Variants in PREP observed in about 807,000 individuals in gnomAD.
PREP encodes prolyl endopeptidase.
Under a neutral mutation model 87.6 loss-of-function variants are expected in PREP, and 29 were observed. That is an observed-to-expected ratio of 0.33 (90% confidence interval 0.25 to 0.45). PREP has a LOEUF of 0.45. Among genes scored for constraint, PREP ranks in the 20% least tolerant of loss-of-function variants. PREP has a pLI of 1.00. For missense variants in PREP, 695 were observed against 886.5 expected, an observed-to-expected ratio of 0.78 and a Z score of 2.74; for synonymous variants, 337 against 328.6, an observed-to-expected ratio of 1.03 and a Z score of -0.28.
In PREP at chr6:105,378,290, C is replaced by G. The variant is rs1772744627; in HGVS notation, c.121-771G>C. Among the ~76,000 whole-genome samples, 3 of 152,182 alleles carry G rather than the reference C, an allele frequency of 2.0e-5. 1 individual carries two copies. In the South Asian group the frequency reaches 6.2e-4, roughly 32 times the overall value. Reference sequence around the variant, plus strand: ...CCTGGCCAGCATGGCGAAACCCTGTCTCTACTAAAAATACAAAAATTTGTC... The same window carrying G: ...CCTGGCCAGCATGGCGAAACCCTGTGTCTACTAAAAATACAAAAATTTGTC... On this transcript the variant is annotated intron_variant, in intron 2 of 14. Coordinates refer to ENST00000652536, the MANE Select transcript of PREP (RefSeq NM_002726.5).
intron 10 of PREP, chr6:105,322,309 T>C (rs758807141): frequency 2.6e-5 from 24 of 919,836 alleles, no homozygotes; most frequent in South Asian, 5.1e-5. Flanking sequence ...TTGAAAAAAA[T>C]AGATTATATT....
chr6:105,376,956 G>C (rs74750445), intron 3 of PREP, among the ~76,000 whole-genome samples: 163 of 152,344 alleles, frequency 1.1e-3, no homozygotes, highest in African/African-American at 3.7e-3. Context: ...ACATCTGTAA[G>C]TGGGTGTTAA....
chr6:105,365,173 G>A (rs113193859), intron 6 of PREP, among the ~76,000 whole-genome samples: 9 of 152,342 alleles, frequency 5.9e-5, no homozygotes, highest in African/African-American at 1.9e-4. Context: ...CTTGAACTTG[G>A]GAAGCGGAGG....
At chr6:105,303,252 C>A (rs1770582923) in intron 10 of PREP, among the ~76,000 whole-genome samples, 1 of 152,106 alleles carries the variant, frequency 6.6e-6, no homozygotes, top group Non-Finnish European at 1.5e-5. Context: ...TTTGTAGAGA[C>A]ATGGGTCTCA....
chr6:105,391,337 G>T (rs1034530400), intron 2 of PREP, among the ~76,000 whole-genome samples: 1 of 152,084 alleles, frequency 6.6e-6, no homozygotes, highest in Non-Finnish European at 1.5e-5. Context: ...AGCTGAGATC[G>T]TGCCACTGCA....
chr6:105,302,312 T>TA (rs2114627429), intron 10 of PREP: 1 of 169,056 alleles, frequency 5.9e-6, no homozygotes, highest in Non-Finnish European at 1.3e-5. Flanking sequence ...AACCACATGA[T>TA]GAGTCCATCA....
intron 10 of PREP, chr6:105,322,613 G>C (rs149834729): frequency 1.1e-5 from 11 of 987,804 alleles, no homozygotes; most frequent in East Asian, 2.2e-4. Flanking sequence ...CTGGGACATA[G>C]AGTTTCTGTT....
chr6:105,392,873 G>T (rs765345101), intron 2 of PREP, among the ~76,000 whole-genome samples: 1 of 152,170 alleles, frequency 6.6e-6, no homozygotes, highest in Admixed American at 6.5e-5. Context: ...CACCGCAGCC[G>T]GCCCCATGCT....
chr6:105,374,986 G>A (rs1772652129), intron 4 of PREP, among the ~76,000 whole-genome samples: 1 of 152,044 alleles, frequency 6.6e-6, no homozygotes, highest in South Asian at 2.1e-4. Flanking sequence ...ATAGATCCTT[G>A]TGGAAACTAA....
At chr6:105,393,274 T>G (rs1236905917) in intron 2 of PREP, among the ~76,000 whole-genome samples, 1 of 152,174 alleles carries the variant, frequency 6.6e-6, no homozygotes, top group African/African-American at 2.4e-5. Flanking sequence ...AGGTCTTGGA[T>G]TTAATCTAGT....
chr6:105,302,464 C>T, intron 10 of PREP: 1 of 293,298 alleles, frequency 3.4e-6, no homozygotes, highest in Non-Finnish European at 6.8e-6. Context: ...CAGGCGTTCA[C>T]TGTGTACTTC....
chr6:105,285,428 A>G, intron 12 of PREP, 58 bp downstream of exon 12: 2 of 1,527,378 alleles, frequency 1.3e-6, no homozygotes, highest in Non-Finnish European at 1.8e-6. Context: ...AGGAAGGATC[A>G]GCACAACCTT....
intron 2 of PREP, among the ~76,000 whole-genome samples, chr6:105,391,441 C>T (rs545657632): frequency 2.0e-5 from 3 of 152,256 alleles, no homozygotes; most frequent in East Asian, 3.9e-4. Flanking sequence ...CAGCTGGTCT[C>T]AAACTCCAGG....
In PREP at chr6:105,377,371, T is replaced by C. The variant is rs1374376021; in HGVS notation, c.254+15A>G. 6.3e-7 allele frequency: 1 copy of C among 1,583,558 alleles called. No homozygotes were observed. Among genetic ancestry groups the C allele is most frequent in the African/African-American group, 1.4e-5 (1 of 73,016 alleles). On this transcript the variant is annotated intron_variant, in intron 3 of 14. Transcript: ENST00000652536. ...CTTTGAAAATAAAAAGGAAATTCAG[T>C]AAAAGCAGTCTCACCGTTTTCCTTT...
rs1055916222 is a variant in PREP, at chr6:105,333,433, A to G, written c.896T>C (p.Val299Ala). 6.2e-7 allele frequency: 1 copy of G among 1,614,156 alleles called. No homozygotes were observed. The highest frequency in any genetic ancestry group is 1.3e-5 in the African/African-American group (1 of 75,034). Residue 299 changes from valine (V) to alanine (A), a missense_variant, in exon 8 of 15, where the codon GTG becomes GCG. Physicochemically the swap from Val to Ala is moderately conservative, Grantham distance 64. Around this residue, in one of 5 missense-constraint regions of PREP, gnomAD observed 517 missense variants for 620.3 expected, o/e 0.83. Coordinates refer to ENST00000652536, the MANE Select transcript of PREP (RefSeq NM_002726.5). ...EYDYVTNEGT[V>A]FTFKTNRQSP... ...CTGGCGATTCGTCTTGAATGTGAAC[A>G]CCGTCCCCTCATTGGTCACGTAGTC...
chr6:105,362,053 TAAG>T (rs1295353785), intron 6 of PREP, among the ~76,000 whole-genome samples: 1 of 152,232 alleles, frequency 6.6e-6, no homozygotes, highest in Non-Finnish European at 1.5e-5. Flanking sequence ...CAGAAAATTC[TAAG>T]AAAACAAAAC....
intron 10 of PREP, 53 bp from the exon 11 acceptor site, chr6:105,288,947 C>A: frequency 6.5e-7 from 1 of 1,548,232 alleles, no homozygotes; most frequent in Non-Finnish European, 8.9e-7. Flanking sequence ...GTAGATACTG[C>A]GTGCTTTTAA....
chr6:105,336,202 G>A (rs760078111), intron 7 of PREP, among the ~76,000 whole-genome samples: 5 of 152,116 alleles, frequency 3.3e-5, no homozygotes, highest in African/African-American at 4.8e-5. Context: ...GGAGGTTGCA[G>A]TGAGCCGAGA....
chr6:105,289,624 A>G (rs1038656728), intron 10 of PREP, among the ~76,000 whole-genome samples: 2 of 152,244 alleles, frequency 1.3e-5, no homozygotes, highest in Admixed American at 6.5e-5. Flanking sequence ...GGATTTTAAA[A>G]AAAGCCATAA....
Sources: gnomAD v4.1 joint callset for allele counts (sites outside exome capture counted in the v4.1 genomes callset) on GRCh38, gnomAD v4.1.1 for gene constraint, gnomAD v4.1.1 regional missense constraint, MANE v1.5 for transcripts, NCBI Gene and HGNC (gene_info 2026-07-23, HGNC 2026-07-21) for gene names.